Variants in EBF1 observed in about 807,000 individuals in gnomAD.
EBF1 encodes the protein transcription factor COE1.
In EBF1, 10 loss-of-function variants were observed where a neutral mutation model predicts 68.4. The ratio of observed to expected loss-of-function variants is 0.15; its 90% CI spans 0.09 to 0.25. EBF1 has a LOEUF of 0.25. Ranked by LOEUF, EBF1 falls within the 10% of genes least tolerant of loss-of-function variation. The probability of loss-of-function intolerance (pLI) is 1.00; values close to 1 mark genes in which losing one functional copy is unlikely to be tolerated. For synonymous variants in EBF1, 298 were observed against 299.8 expected (o/e 0.99, Z 0.06); for missense variants, 509 against 794.4 (o/e 0.64, Z 4.32).
chr5:158,942,883 G>A (rs1813741844), intron 6 of EBF1, among the ~76,000 whole-genome samples: 1 of 67,332 alleles, frequency 1.5e-5, no homozygotes, highest in East Asian at 3.5e-4. Context: ...GAGGGGAGAG[G>A]AGAGAAAGAG....
chr5:158,879,817 G>C (rs1356306423), intron 6 of EBF1, among the ~76,000 whole-genome samples: 1 of 152,200 alleles, frequency 6.6e-6, no homozygotes, highest in Non-Finnish European at 1.5e-5. Flanking sequence ...TTTTGAATCT[G>C]TGTAGTGAAT....
intron 6 of EBF1, among the ~76,000 whole-genome samples, chr5:158,940,160 A>C (rs1812927054): frequency 6.6e-6 from 1 of 152,174 alleles, no homozygotes; most frequent in Non-Finnish European, 1.5e-5. Flanking sequence ...TTTGCTAGTA[A>C]GAGAACCACA....
intron 6 of EBF1, among the ~76,000 whole-genome samples, chr5:158,885,545 A>C (rs530539913): frequency 6.6e-6 from 1 of 152,300 alleles, no homozygotes; most frequent in Non-Finnish European, 1.5e-5. Context: ...GGGGTATTAC[A>C]AGGAGCAGAA....
intron 6 of EBF1, among the ~76,000 whole-genome samples, chr5:158,894,731 C>T (rs1801843863): frequency 6.6e-6 from 1 of 152,140 alleles, no homozygotes; most frequent in African/African-American, 2.4e-5. Context: ...ATCCAACGTC[C>T]CTGTGTTTCC....
chr5:158,823,394 A>T (rs1308249276), intron 7 of EBF1, 77 bp from the exon 8 acceptor site: 1 of 1,399,674 alleles, frequency 7.1e-7, no homozygotes, highest in East Asian at 2.4e-5. Context: ...TTAAATAAAT[A>T]ACAGCTGGGA....
At chr5:158,952,898 T>A (rs1816321559) in intron 6 of EBF1, among the ~76,000 whole-genome samples, 1 of 152,220 alleles carries the variant, frequency 6.6e-6, no homozygotes, top group Admixed American at 6.5e-5. Context: ...GTAAGCCTAT[T>A]TAAACCTGTC....
chr5:158,751,169 G>T (rs1365432711), intron 10 of EBF1, among the ~76,000 whole-genome samples: 1 of 152,016 alleles, frequency 6.6e-6, no homozygotes, highest in African/African-American at 2.4e-5. Context: ...TCTTTTTAGT[G>T]GTCAACTCTG....
chr5:158,972,501 A>G (rs1164232486), intron 6 of EBF1, among the ~76,000 whole-genome samples: 1 of 152,190 alleles, frequency 6.6e-6, no homozygotes, highest in East Asian at 1.9e-4. Flanking sequence ...CATTCTAAAA[A>G]CATCAAATCA....
intron 6 of EBF1, among the ~76,000 whole-genome samples, chr5:158,933,531 A>G (rs931445569): frequency 6.6e-6 from 1 of 152,228 alleles, no homozygotes; most frequent in African/African-American, 2.4e-5. Flanking sequence ...ATAAAATTCA[A>G]CTACTCATTA....
In EBF1 at chr5:158,915,600, C is replaced by G. The variant is rs540069053; in HGVS notation, c.555-75490G>C. Among the ~76,000 whole-genome samples the G allele has an allele frequency of 2.0e-5, 3 of 152,264 alleles. No homozygotes were observed. In the East Asian group the frequency reaches 5.8e-4, roughly 29 times the overall value. On this transcript the variant is annotated intron_variant, in intron 6 of 15. Transcript: ENST00000313708. ...GTGGGGGGAATTCCGTGGAGACACA[C>G]AAGCAACTCTTAGTTATGGCACAAA...
intron 6 of EBF1, among the ~76,000 whole-genome samples, chr5:158,966,555 C>A (rs566408010): frequency 2.0e-5 from 3 of 152,038 alleles, no homozygotes; most frequent in Non-Finnish European, 4.4e-5. Flanking sequence ...CTGGAATTGG[C>A]GATAAATGAT....
chr5:158,957,933 T>A (rs1450394358), intron 6 of EBF1, among the ~76,000 whole-genome samples: 2 of 152,172 alleles, frequency 1.3e-5, no homozygotes, highest in African/African-American at 4.8e-5. Flanking sequence ...TGTGGGAATA[T>A]CTTTTACACG....
chr5:158,852,739 T>C (rs1457239135), intron 6 of EBF1, among the ~76,000 whole-genome samples: 5 of 152,212 alleles, frequency 3.3e-5, no homozygotes, highest in Admixed American at 6.5e-5. Flanking sequence ...CTATTTCTCA[T>C]GATATCATAA....
At chr5:158,884,322 T>C (rs1040919876) in intron 6 of EBF1, among the ~76,000 whole-genome samples, 1 of 152,164 alleles carries the variant, frequency 6.6e-6, no homozygotes, top group African/African-American at 2.4e-5. Flanking sequence ...CTCTAACAAG[T>C]ACTTGATTAT....
rs1756092430 is a variant in EBF1 at position 158,698,460 on chromosome 5, G to C, written c.*651C>G. Reference sequence around the variant, plus strand: ...CCAGGCTGCATTTATTTACACAGTTGCTTAAGACAACAATACAAAAGAGAT... The same window carrying C: ...CCAGGCTGCATTTATTTACACAGTTCCTTAAGACAACAATACAAAAGAGAT... On this transcript the variant is annotated 3_prime_UTR_variant, in exon 16 of 16. Transcript: ENST00000313708. 4.5e-6 allele frequency: 1 copy of C among 220,240 alleles called. No homozygotes were observed. 13.6% of individuals were successfully genotyped at this position (220,240 alleles called of 1,614,324 possible).
intron 15 of EBF1, among the ~76,000 whole-genome samples, 185 bp downstream of exon 15, chr5:158,707,794 T>TGGCCAAG (rs573464569): frequency 4.9e-4 from 75 of 152,364 alleles, no homozygotes; most frequent in Non-Finnish European, 6.5e-4. Flanking sequence ...GAGATGAGTA[T>TGGCCAAG]GGCCAAGGGC....
At chr5:158,927,731 T>C (rs1487269624) in intron 6 of EBF1, among the ~76,000 whole-genome samples, 1 of 152,218 alleles carries the variant, frequency 6.6e-6, no homozygotes, top group Non-Finnish European at 1.5e-5. Flanking sequence ...TCAATGACCT[T>C]GCTGGCTTGT....
intron 6 of EBF1, among the ~76,000 whole-genome samples, chr5:159,012,583 C>A (rs895654732): frequency 2.0e-5 from 3 of 152,020 alleles, no homozygotes; most frequent in African/African-American, 7.2e-5. Context: ...ACCTCCCAGG[C>A]TCAAGCAATC....
intron 4 of EBF1, among the ~76,000 whole-genome samples, chr5:159,090,333 C>G (rs187743900): frequency 6.6e-5 from 10 of 151,048 alleles, no homozygotes. Context: ...AAAATTAAAC[C>G]ATGCCAAAGG....
Sources: allele counts gnomAD v4.1 joint callset (sites outside exome capture counted in the v4.1 genomes callset), GRCh38; gene constraint gnomAD v4.1.1; transcripts MANE v1.5; gene names NCBI Gene and HGNC (gene_info 2026-07-23, HGNC 2026-07-21).